The following MAGI2 variants were observed in gnomAD, a reference collection of about 807,000 sequenced individuals.
MAGI2 encodes the protein membrane associated guanylate kinase, WW and PDZ domain containing 2, also known as membrane-associated guanylate kinase, WW and PDZ domain-containing protein 2.
MAGI2 carries 35 observed loss-of-function variants against 133.3 expected under a neutral mutation model. The ratio of observed to expected loss-of-function variants is 0.26; its 90% CI spans 0.20 to 0.35. The LOEUF (loss-of-function observed/expected upper bound fraction) is 0.35, where lower values mean the gene tolerates loss of function less well. MAGI2 is among the 10% of genes least tolerant of loss of function. The pLI is 1.00. For missense variants in MAGI2, 1,636 were observed against 1,863.4 expected, an observed-to-expected ratio of 0.88 and a Z score of 2.25; for synonymous variants, 729 against 710.6, an observed-to-expected ratio of 1.03 and a Z score of -0.41.
At position 78,894,408 on chromosome 7, in the gene MAGI2, C is replaced by CA. The variant is rs199770630; in HGVS notation, c.418+112681dup. On this transcript the variant is annotated intron_variant, in intron 2 of 21. Transcript: ENST00000354212. ...GTCTCAAAACAAACAAAGCAACAAA[C>CA]AAAAAAAAACTTTTATTCTTAAAAC... 1.4e-3 allele frequency among the ~76,000 whole-genome samples: 215 copies of CA among 150,910 alleles called. 1 individual carries two copies. Among genetic ancestry groups the CA allele is most frequent in the African/African-American group, 4.8e-3 (196 of 41,152 alleles).
chr7:78,576,472 C>T (rs1306473654), intron 3 of MAGI2, among the ~76,000 whole-genome samples: 1 of 152,088 alleles, frequency 6.6e-6, no homozygotes, highest in Non-Finnish European at 1.5e-5. Context: ...TCATAGAAAC[C>T]AGAATTCCTC....
intron 21 of MAGI2, among the ~76,000 whole-genome samples, chr7:78,068,348 C>T (rs1585000080): frequency 6.6e-6 from 1 of 152,184 alleles, no homozygotes; most frequent in Non-Finnish European, 1.5e-5. Context: ...CCTAACAGAC[C>T]ATGGACCAGT....
At chr7:78,497,924 A>G (rs1314480613) in intron 5 of MAGI2, among the ~76,000 whole-genome samples, 1 of 152,158 alleles carries the variant, frequency 6.6e-6, no homozygotes, top group African/African-American at 2.4e-5. Context: ...CAGCTCTCAC[A>G]ATATCTGTAC....
At chr7:78,930,757 T>C (rs1284739368) in intron 2 of MAGI2, among the ~76,000 whole-genome samples, 1 of 152,128 alleles carries the variant, frequency 6.6e-6, no homozygotes, top group Non-Finnish European at 1.5e-5. Context: ...TCAAGGTGCA[T>C]TGAAATTCTG....
rs893878779 is a variant in MAGI2 at position 79,453,577 on chromosome 7, G to C, written c.-257C>G. On this transcript the variant is annotated 5_prime_UTR_variant, in exon 1 of 22. Coordinates refer to ENST00000354212, the MANE Select transcript of MAGI2 (RefSeq NM_012301.4). The stretch of plus-strand genomic sequence containing the variant: ...TCCCTTGAATGACACTCAAGGCTGT[G>C]GCCCCGCAGCAGAGGAAGCAGTGGT... The C allele has an allele frequency of 4.9e-5, 59 of 1,195,814 alleles. No individual in the cohort carries two copies. Among genetic ancestry groups the C allele is most frequent in the Non-Finnish European group, 5.8e-5 (56 of 964,646 alleles). 74.1% of individuals were successfully genotyped at this position (1,195,814 alleles called of 1,614,324 possible).
intron 2 of MAGI2, among the ~76,000 whole-genome samples, chr7:78,758,669 T>G (rs1315763891): frequency 6.6e-6 from 1 of 152,176 alleles, no homozygotes; most frequent in Non-Finnish European, 1.5e-5. Flanking sequence ...GGTCTCATTC[T>G]TTTTGCTCTA....
At chr7:79,229,681 A>G (rs938610494) in intron 1 of MAGI2, among the ~76,000 whole-genome samples, 1 of 152,224 alleles carries the variant, frequency 6.6e-6, no homozygotes, top group Non-Finnish European at 1.5e-5. Flanking sequence ...GACAGAGATA[A>G]CAGAATTCTA....
intron 9 of MAGI2, among the ~76,000 whole-genome samples, chr7:78,267,836 C>T (rs1382255163): frequency 6.6e-6 from 1 of 152,172 alleles, no homozygotes; most frequent in African/African-American, 2.4e-5. Flanking sequence ...AATTTCACTG[C>T]AGACAATGGA....
At chr7:79,122,610 T>C (rs1463722729) in intron 1 of MAGI2, among the ~76,000 whole-genome samples, 1 of 152,180 alleles carries the variant, frequency 6.6e-6, no homozygotes, top group East Asian at 1.9e-4. Flanking sequence ...TCATATTTTC[T>C]AGTGAGAAAC....
chr7:79,201,681 C>T (rs17152059), intron 1 of MAGI2, among the ~76,000 whole-genome samples: 7,341 of 151,790 alleles, frequency 0.048, 492 homozygotes, highest in African/African-American at 0.13. Context: ...TTTCCTAAAT[C>T]GTTGTGCTCA....
chr7:78,727,777 A>G (rs921109630), intron 2 of MAGI2, among the ~76,000 whole-genome samples: 6 of 152,230 alleles, frequency 3.9e-5, no homozygotes, highest in African/African-American at 7.2e-5. Flanking sequence ...AAGTCTAGAC[A>G]TCTGTTATCT....
chr7:79,164,872 T>C (rs952538210), intron 1 of MAGI2, among the ~76,000 whole-genome samples: 8 of 152,106 alleles, frequency 5.3e-5, no homozygotes, highest in African/African-American at 1.9e-4. Flanking sequence ...CAGCCCATGG[T>C]CACTCATATT....
At chr7:79,343,497 C>T (rs1203079262) in intron 1 of MAGI2, 5 of 151,328 alleles carry the variant, frequency 3.3e-5, no homozygotes, top group Admixed American at 3.3e-4. Context: ...AGGAAGAAGA[C>T]ATTTATATTT....
intron 9 of MAGI2, among the ~76,000 whole-genome samples, chr7:78,263,056 A>C (rs540412708): frequency 2.0e-5 from 3 of 152,210 alleles, no homozygotes; most frequent in Admixed American, 6.5e-5. Flanking sequence ...TTTAGCTCCC[A>C]CTTATAAGTG....
intron 1 of MAGI2, among the ~76,000 whole-genome samples, chr7:79,057,675 A>G (rs1723605810): frequency 6.6e-6 from 1 of 152,146 alleles, no homozygotes; most frequent in Non-Finnish European, 1.5e-5. Flanking sequence ...CAGGTGCAGC[A>G]TAAGTTTGTA....
intron 9 of MAGI2, among the ~76,000 whole-genome samples, chr7:78,333,065 A>T (rs1789395124): frequency 6.6e-6 from 1 of 152,244 alleles, no homozygotes. Context: ...ATTATCTAAC[A>T]CGATGTGAGT....
chr7:78,730,381 G>T (rs1821252272), intron 2 of MAGI2, among the ~76,000 whole-genome samples: 1 of 142,096 alleles, frequency 7.0e-6, no homozygotes, highest in African/African-American at 2.6e-5. Flanking sequence ...TGGGCCCTAA[G>T]TACCTTTCTT....
intron 10 of MAGI2, among the ~76,000 whole-genome samples, chr7:78,238,302 C>A (rs1034463327): frequency 6.6e-6 from 1 of 152,086 alleles, no homozygotes; most frequent in East Asian, 1.9e-4. Flanking sequence ...TTGACATGTC[C>A]CAGACTGGAT....
chr7:79,363,764 G>A (rs67038446), intron 1 of MAGI2, among the ~76,000 whole-genome samples: 22,696 of 150,284 alleles, frequency 0.15, 1,895 homozygotes, highest in East Asian at 0.29. Context: ...AATCAACAGA[G>A]GGAAGAGACA....
Sources: allele counts gnomAD v4.1 joint callset (sites outside exome capture counted in the v4.1 genomes callset), GRCh38; gene constraint gnomAD v4.1.1; transcripts MANE v1.5; gene names NCBI Gene and HGNC (gene_info 2026-07-23, HGNC 2026-07-21).